Variants in CCNH observed in about 807,000 individuals in gnomAD.
CCNH encodes cyclin-H.
In CCNH, 31 loss-of-function variants were observed where a neutral mutation model predicts 41.9. The observed-to-expected ratio is 0.74, with a 90% confidence interval of 0.56 to 1.00. The LOEUF is 1.00. CCNH is among the 50% of genes least tolerant of loss of function. The pLI, the probability that CCNH is intolerant of heterozygous loss-of-function variation, is 0.00. For synonymous variants in CCNH, 138 were observed against 136.1 expected, an observed-to-expected ratio of 1.01 and a Z score of -0.10; for missense variants, 362 against 388.4, an observed-to-expected ratio of 0.93 and a Z score of 0.57.
intron 6 of CCNH, among the ~76,000 whole-genome samples, chr5:87,400,165 G>A (rs1440942970): frequency 1.3e-5 from 2 of 151,872 alleles, no homozygotes; most frequent in Non-Finnish European, 2.9e-5. Flanking sequence ...AGATCCAATG[G>A]GCTTATTATT....
chr5:87,357,456 C>T (rs1036130852), intron 9 of CCNH, among the ~76,000 whole-genome samples: 3 of 151,924 alleles, frequency 2.0e-5, no homozygotes, highest in Non-Finnish European at 4.4e-5. Flanking sequence ...CATACATTTC[C>T]CCATACTGAA....
exon 1 of CCNH, chr5:87,376,857 C>G: frequency 6.4e-7 from 1 of 1,569,586 alleles, no homozygotes; most frequent in South Asian, 1.1e-5. Flanking sequence ...GTACTTTAAA[C>G]AATCTTTTAA....
intron 9 of CCNH, among the ~76,000 whole-genome samples, chr5:87,342,960 T>A (rs572514505): frequency 6.6e-6 from 1 of 152,334 alleles, no homozygotes; most frequent in South Asian, 2.1e-4. Context: ...CACTCGGAAG[T>A]CTTTTTATCT....
chr5:87,398,458 G>A (rs1245522013), intron 7 of CCNH, among the ~76,000 whole-genome samples: 1 of 152,096 alleles, frequency 6.6e-6, no homozygotes, highest in Non-Finnish European at 1.5e-5. Flanking sequence ...GTAACAAAAT[G>A]CATCCCACAG....
At chr5:87,378,273 G>T (rs564392671), upstream of CCNH, 36 of 1,106,582 alleles carry the variant, frequency 3.3e-5, no homozygotes, top group Admixed American at 4.6e-4. Context: ...TTTCAACGCT[G>T]CACGCAAAAA....
At chr5:87,383,564 T>C (rs2112508554) in intron 9 of CCNH, 1 of 569,410 alleles carries the variant, frequency 1.8e-6, no homozygotes, top group Non-Finnish European at 3.1e-6. Context: ...TCTTAAAGCT[T>C]TCTGTGTCTG....
chr5:87,322,972 A>G (rs1232113889), intron 9 of CCNH, among the ~76,000 whole-genome samples: 1 of 152,186 alleles, frequency 6.6e-6, no homozygotes, highest in African/African-American at 2.4e-5. Flanking sequence ...AGATGTTGAT[A>G]TATTCACCTT....
At chr5:87,346,590 AC>A (rs1758877862) in intron 9 of CCNH, 1 of 796,256 alleles carries the variant, frequency 1.3e-6, no homozygotes, top group Middle Eastern at 3.6e-4. Flanking sequence ...AATTAAACTT[AC>A]TATATTGGTT....
At chr5:87,360,124 GTTT>G (rs755443447) in intron 9 of CCNH, among the ~76,000 whole-genome samples, 2 of 132,694 alleles carry the variant, frequency 1.5e-5, no homozygotes, top group East Asian at 4.3e-4. Flanking sequence ...TCAAAATGCA[GTTT>G]TTTTTTTTTT....
rs771222157 is a variant in CCNH at position 87,408,629 on chromosome 5, G to A, written c.315-443C>T. Reference sequence around the variant, plus strand: ...AAGGCCATCGGCAGAAGTCTCTAAGGGCATCTGAATAAGGGACTATTATTT... The same window carrying A: ...AAGGCCATCGGCAGAAGTCTCTAAGAGCATCTGAATAAGGGACTATTATTT... On this transcript the variant is annotated intron_variant, in intron 3 of 8. Transcript: ENST00000256897. 2.4e-4 allele frequency among the ~76,000 whole-genome samples: 37 copies of A among 152,126 alleles called. 1 individual carries two copies. The highest frequency in any genetic ancestry group is 2.1e-4 in the South Asian group (1 of 4,830).
In CCNH at chr5:87,345,761, T is replaced by C. The variant is rs188624136; in HGVS notation, c.*91-26864A>G. 3.2e-4 allele frequency among the ~76,000 whole-genome samples: 48 copies of C among 152,292 alleles called. 1 individual carries two copies. The East Asian group carries it at 7.9e-3, about 25-fold the overall frequency. ...GTCACACTGGACTTTTGAGCACTTA[T>C]ATATTTTAGTCGTATATTTACTTTC... On this transcript the variant is annotated intron_variant and NMD_transcript_variant, in intron 9 of 9. Transcript: ENST00000645953.
chr5:87,312,942 G>T, the CCNH span, among the ~76,000 whole-genome samples: 2 of 152,222 alleles, frequency 1.3e-5, no homozygotes, highest in African/African-American at 4.8e-5. Flanking sequence ...GATCAACTAT[G>T]AGTAGGCCAG....
At chr5:87,391,675 A>G (rs754959919), downstream of CCNH, 1 of 232,866 alleles carries the variant, frequency 4.3e-6, no homozygotes, top group Non-Finnish European at 8.5e-6. Flanking sequence ...ATAGACTACC[A>G]ATTTCTTTTA....
At chr5:87,329,281 C>CAAAAAAAAAAAAAAAAAAA (rs571157213) in intron 9 of CCNH, among the ~76,000 whole-genome samples, 3 of 119,160 alleles carry the variant, frequency 2.5e-5, no homozygotes, top group African/African-American at 9.2e-5. Flanking sequence ...TCTGTCTCTC[C>CAAAAAAAAAAAAAAAAAAA]AAAAAAAAAA....
chr5:87,345,353 T>C (rs1242376984), intron 9 of CCNH, among the ~76,000 whole-genome samples: 1 of 152,176 alleles, frequency 6.6e-6, no homozygotes, highest in Non-Finnish European at 1.5e-5. Flanking sequence ...TTTTTACCCT[T>C]CTTTTTTTGA....
At chr5:87,371,742 A>T (rs971999968), downstream of CCNH, among the ~76,000 whole-genome samples, 9 of 152,152 alleles carry the variant, frequency 5.9e-5, no homozygotes, top group East Asian at 1.5e-3. Flanking sequence ...GTTAAATTCC[A>T]CCTAAGCTTG....
chr5:87,412,885 A>T lies in CCNH; in HGVS notation c.-91T>A. On this transcript the variant is annotated 5_prime_UTR_variant, in exon 1 of 9. Transcript: ENST00000256897. Reference sequence around the variant, plus strand: ...TAAAACACCCGTACCCCCACCGAAGATCTCGCGGAAGCCTAGGGCGTCCGG... The same window carrying T: ...TAAAACACCCGTACCCCCACCGAAGTTCTCGCGGAAGCCTAGGGCGTCCGG... 1.3e-6 allele frequency: 2 copies of T among 1,544,534 alleles called. No individual in the cohort carries two copies. Among genetic ancestry groups the T allele is most frequent in the Non-Finnish European group, 1.8e-6 (2 of 1,141,386 alleles).
chr5:87,347,551 AAT>A lies in CCNH; in HGVS notation c.*91-28656_*91-28655del, dbSNP rs376164014. Reference sequence around the variant, plus strand: ...ATTCAATAGTTTCTATATTTGGTGAAATAGATTCTTGTGGTGATAACCCTAAT... The same window carrying A: ...ATTCAATAGTTTCTATATTTGGTGAAAGATTCTTGTGGTGATAACCCTAAT... On this transcript the variant is annotated intron_variant and NMD_transcript_variant, in intron 9 of 9. Transcript: ENST00000645953. 3.1e-3 allele frequency among the ~76,000 whole-genome samples: 472 copies of A among 152,092 alleles called. 3 individuals are homozygous for A. The highest frequency in any genetic ancestry group is 0.011 in the African/African-American group (455 of 41,542).
intron 9 of CCNH, among the ~76,000 whole-genome samples, chr5:87,320,927 CT>C (rs1349790277): frequency 5.9e-5 from 9 of 152,300 alleles, no homozygotes; most frequent in African/African-American, 2.2e-4. Context: ...AGGCTGGAGC[CT>C]TTCATGGTGG....
Sources: gnomAD v4.1 joint callset for allele counts (sites outside exome capture counted in the v4.1 genomes callset) on GRCh38, gnomAD v4.1.1 for gene constraint, MANE v1.5 for transcripts, NCBI Gene and HGNC (gene_info 2026-07-23, HGNC 2026-07-21) for gene names.